EBI3: variants seen among roughly 807,000 people sequenced by gnomAD.
The protein encoded by EBI3 is Epstein-Barr virus induced 3, also known as interleukin-27 subunit beta.
Under a neutral mutation model 21.3 loss-of-function variants are expected in EBI3, and 19 were observed. That is an observed-to-expected ratio of 0.89 (90% CI 0.62 to 1.31). The LOEUF is 1.31. Ranked by LOEUF, EBI3 falls within the 50% of genes most tolerant of loss-of-function variation. The pLI is 0.00. For synonymous variants in EBI3, 154 were observed against 131.2 expected (o/e 1.17, Z -1.19); for missense variants, 331 against 314.0 (o/e 1.05, Z -0.41).
At chr19:4,235,314 G>A (rs968295502) in intron 4 of EBI3, among the ~76,000 whole-genome samples, 3 of 138,208 alleles carry the variant, frequency 2.2e-5, no homozygotes, top group Non-Finnish European at 3.0e-5. Flanking sequence ...CCACCGAATT[G>A]TTCACTTTAT....
chr19:4,230,933 C>T lies in EBI3; in HGVS notation c.68-258C>T, dbSNP rs532638122. Among the ~76,000 whole-genome samples, 5 of 152,126 alleles carry T rather than the reference C, an allele frequency of 3.3e-5. No homozygotes were observed. The East Asian group carries it at 7.7e-4, about 24-fold the overall frequency. ...CACGGTAAAATCTCTCTCTCTTACC[C>T]GAGTTCCTCTCTGTAGATGCTTAAA... On this transcript the variant is annotated intron_variant, in intron 1 of 4. Coordinates refer to ENST00000221847, the MANE Select transcript of EBI3 (RefSeq NM_005755.3).
rs776895036 is a variant in EBI3, at chr19:4,237,021, TCA to T, written c.626_627del (p.Thr209ArgfsTer7). 6.3e-7 allele frequency: 1 copy of T among 1,580,736 alleles called. No homozygotes were observed. The highest frequency in any genetic ancestry group is 1.1e-5 in the South Asian group (1 of 87,964). Reference sequence around the variant, plus strand: ...TACGTCCAAGTGGCGGCTCAGGACCTCACAGACTACGGGGAACTGAGTGACTG... The same window carrying T: ...TACGTCCAAGTGGCGGCTCAGGACCTCAGACTACGGGGAACTGAGTGACTG... On this transcript the variant is annotated frameshift_variant, in exon 5 of 5. Transcript: ENST00000221847. LOFTEE classifies it low-confidence loss of function (END_TRUNC).
chr19:4,232,756 GAATGAATGAAGGAATGAATTAAT>G (rs1970798031), intron 2 of EBI3, among the ~76,000 whole-genome samples: 1 of 43,494 alleles, frequency 2.3e-5, no homozygotes, highest in East Asian at 1.4e-3. Context: ...ATGAATTAAT[GAATGAATGAAGGAATGAATTAAT>G]GAATGAATGA....
chr19:4,233,282 C>G lies in EBI3; in HGVS notation c.354C>G (p.Phe118Leu), dbSNP rs779551965. The G allele has an allele frequency of 7.1e-7, 1 of 1,401,008 alleles. No homozygotes were observed. The highest frequency in any genetic ancestry group is 1.1e-5 in the South Asian group (1 of 88,230). 86.8% of individuals were successfully genotyped at this position (1,401,008 alleles called of 1,614,324 possible). A position where few individuals can be genotyped will look rare whatever the true frequency, so the allele number is the denominator to read the frequency against. The change falls in exon 3 of 5, where the codon TTC becomes TTG. Residue 118 changes from phenylalanine (F) to leucine (L), a missense_variant. Transcript: ENST00000221847. ...AVHPWGSSSS[F>L]VPFITEHIIK... is the part of the protein sequence containing the mutation. Reference sequence around the variant, plus strand: ...ACCCCTGGGGCTCCAGCAGCAGCTTCGTGCCTTTCATAACAGAGCACATCA... The same window carrying G: ...ACCCCTGGGGCTCCAGCAGCAGCTTGGTGCCTTTCATAACAGAGCACATCA...
At chr19:4,231,943 A>G (rs1354339267) in intron 2 of EBI3, among the ~76,000 whole-genome samples, 2 of 150,268 alleles carry the variant, frequency 1.3e-5, no homozygotes, top group Non-Finnish European at 3.0e-5. Flanking sequence ...TTAGCTGGGC[A>G]TGGCCAGGCG....
intron 2 of EBI3, among the ~76,000 whole-genome samples, chr19:4,232,074 A>G (rs1970788177): frequency 6.6e-6 from 1 of 151,214 alleles, no homozygotes; most frequent in African/African-American, 2.4e-5. Flanking sequence ...AAAATGCAAA[A>G]ATTTGCCAGG....
In EBI3 at chr19:4,234,814, G is replaced by T. The variant is rs554227389; in HGVS notation, c.527G>T (p.Arg176Leu). The T allele has an allele frequency of 1.9e-6, 3 of 1,613,848 alleles. No homozygotes were observed. Among genetic ancestry groups the T allele is most frequent in the South Asian group, 2.2e-5 (2 of 91,066 alleles). The change falls in exon 4 of 5, where the codon CGC (arginine) becomes CTC (leucine). Residue 176 changes from arginine (R) to leucine (L), a missense_variant. Coordinates refer to ENST00000221847, the MANE Select transcript of EBI3 (RefSeq NM_005755.3). ...CGTTACAAGCGTCAGGGAGCTGCGC[G>T]CTTCCACCGGGTGAGGAGGATGAGG... Reference protein sequence around the residue: ...WIRYKRQGAARFHRVGPIEAT... With the variant: ...WIRYKRQGAALFHRVGPIEAT...
chr19:4,234,115 A>G (rs1568356007), intron 3 of EBI3, among the ~76,000 whole-genome samples: 1 of 152,202 alleles, frequency 6.6e-6, no homozygotes, highest in Admixed American at 6.6e-5. Flanking sequence ...CTGAGGCACG[A>G]GAATCACTTG....
chr19:4,229,662 A>C lies in EBI3; in HGVS notation c.67+45A>C, dbSNP rs1456466460. On this transcript the variant is annotated intron_variant, in intron 1 of 4. Coordinates refer to ENST00000221847, the MANE Select transcript of EBI3 (RefSeq NM_005755.3). ...GACTGGGGGGCCCAGGCAGACGGAC[A>C]TGACACGAGGACTGGCCTCGGATCA... is the stretch of plus-strand genomic sequence containing the variant. 2.6e-6 allele frequency: 4 copies of C among 1,562,036 alleles called. No homozygotes were observed. The East Asian group carries it at 9.3e-5, about 36-fold the overall frequency.
intron 1 of EBI3, 123 bp downstream of exon 1, chr19:4,229,740 C>A: frequency 1.9e-6 from 2 of 1,026,574 alleles, no homozygotes; most frequent in South Asian, 1.6e-5. Flanking sequence ...GATGGGGTTA[C>A]CCTCCCATTG....
At chr19:4,234,854 G>A in intron 4 of EBI3, 30 bp downstream of exon 4, 2 of 1,609,590 alleles carry the variant, frequency 1.2e-6, no homozygotes, top group Non-Finnish European at 1.7e-6. Flanking sequence ...GGCTGGAAAG[G>A]GTGGTGCCTG....
rs753146806 is a variant in EBI3 at position 4,231,263 on chromosome 19, C to T, written c.140C>T (p.Ser47Phe). Residue 47 changes from serine (S) to phenylalanine (F), a missense_variant, in exon 2 of 5, where the codon TCC becomes TTC. Physicochemically the swap from Ser to Phe is radical, Grantham distance 155. Transcript: ENST00000221847. ...ASRYPIAVDC[S>F]WTLPPAPNST... is the part of the protein sequence containing the mutation. ...CGGTACCCGATCGCCGTGGATTGCT[C>T]CTGGACCCTGCCGCCTGCTCCAAAC... 6.2e-7 allele frequency: 1 copy of T among 1,613,358 alleles called. No individual in the cohort carries two copies.
rs1363454589 is a variant in EBI3, at chr19:4,237,510, A to G, written c.*422A>G. On this transcript the variant is annotated 3_prime_UTR_variant, in exon 5 of 5. Transcript: ENST00000221847. ...AGCAAGACCCCATCTCTAAAAAATT[A>G]ATATAAATATAAAATAAATTAGCCA... is the stretch of plus-strand genomic sequence containing the variant. 1 of 152,414 alleles carries G rather than the reference A, an allele frequency of 6.6e-6. No homozygotes were observed. The highest frequency in any genetic ancestry group is 1.5e-5 in the Non-Finnish European group (1 of 68,238). 9.4% of individuals were successfully genotyped at this position (152,414 alleles called of 1,614,324 possible). A position where few individuals can be genotyped will look rare whatever the true frequency, so the allele number is the denominator to read the frequency against.
intron 3 of EBI3, among the ~76,000 whole-genome samples, 197 bp downstream of exon 3, chr19:4,233,504 C>A (rs903103068): frequency 1.3e-5 from 2 of 152,130 alleles, no homozygotes; most frequent in Admixed American, 6.5e-5. Flanking sequence ...CATCCTGAGC[C>A]CTGGCCTCCA....
At chr19:4,231,465 G>A (rs1280491373) in intron 2 of EBI3, 142 bp downstream of exon 2, 4 of 1,266,134 alleles carry the variant, frequency 3.2e-6, no homozygotes, top group South Asian at 1.9e-5. Context: ...GGGCGGCCCC[G>A]TCCAATAGAA....
At chr19:4,230,191 T>C (rs1163152541) in intron 1 of EBI3, among the ~76,000 whole-genome samples, 2 of 152,166 alleles carry the variant, frequency 1.3e-5, no homozygotes, top group East Asian at 3.9e-4. Context: ...CCCAAAGTGC[T>C]GGGATGACAG....
At chr19:4,233,548 C>T (rs1303347627) in intron 3 of EBI3, among the ~76,000 whole-genome samples, 1 of 152,084 alleles carries the variant, frequency 6.6e-6, no homozygotes, top group Non-Finnish European at 1.5e-5. Flanking sequence ...CACCAGAGGG[C>T]GCCTGAGAGC....
intron 1 of EBI3, 104 bp downstream of exon 1, chr19:4,229,721 C>T: frequency 8.2e-7 from 1 of 1,217,756 alleles, no homozygotes; most frequent in Non-Finnish European, 1.1e-6. Context: ...CTCCCGTGCC[C>T]AATGGTGGGA....
Position 4,237,153 on chromosome 19 carries a change from G to T in EBI3, c.*65G>T. ...CGCCACCCTAAGCCCCGGGACACCT[G>T]TTGGAGGGCGGATGGGATCTGCCTA... On this transcript the variant is annotated 3_prime_UTR_variant, in exon 5 of 5. Transcript: ENST00000221847. The T allele has an allele frequency of 7.1e-7, 1 of 1,405,158 alleles. No homozygotes were observed. Among genetic ancestry groups the T allele is most frequent in the Non-Finnish European group, 9.3e-7 (1 of 1,072,118 alleles). 87.0% of individuals were successfully genotyped at this position (1,405,158 alleles called of 1,614,324 possible).
Sources: allele counts gnomAD v4.1 joint callset (sites outside exome capture counted in the v4.1 genomes callset), GRCh38; gene constraint gnomAD v4.1.1; transcripts MANE v1.5; gene names NCBI Gene and HGNC (gene_info 2026-07-23, HGNC 2026-07-21).